The following SP4 variants were observed in gnomAD, a reference collection of about 807,000 sequenced individuals.
SP4 encodes the protein transcription factor Sp4.
Under a neutral mutation model 72.8 loss-of-function variants are expected in SP4, and 19 were observed. The ratio of observed to expected loss-of-function variants is 0.26; its 90% confidence interval spans 0.18 to 0.38. The LOEUF (loss-of-function observed/expected upper bound fraction) is 0.38. Among genes scored for constraint, SP4 ranks in the 10% least tolerant of loss-of-function variants. SP4 has a pLI of 1.00. For synonymous variants in SP4, 395 were observed against 333.1 expected (o/e 1.19, Z -2.02); for missense variants, 1,008 against 926.3 (o/e 1.09, Z -1.14).
chr7:21,473,675 C>T (rs140586985), intron 3 of SP4, among the ~76,000 whole-genome samples: 1 of 152,294 alleles, frequency 6.6e-6, no homozygotes, highest in African/African-American at 2.4e-5. Flanking sequence ...GATTTGAACT[C>T]AGACCAGAAT....
At chr7:21,480,658 T>C (rs1784658919) in intron 4 of SP4, among the ~76,000 whole-genome samples, 1 of 152,224 alleles carries the variant, frequency 6.6e-6, no homozygotes, top group African/African-American at 2.4e-5. Context: ...TTTGTTTACT[T>C]TTCCCAAGAA....
intron 3 of SP4, among the ~76,000 whole-genome samples, chr7:21,468,139 C>A (rs1281528671): frequency 6.6e-6 from 1 of 152,048 alleles, no homozygotes. Context: ...TGTACACACA[C>A]GCATCTGTTT....
At chr7:21,479,872 A>T (rs149320214) in intron 4 of SP4, among the ~76,000 whole-genome samples, 1 of 152,146 alleles carries the variant, frequency 6.6e-6, no homozygotes, top group Non-Finnish European at 1.5e-5. Context: ...TTCTGATGCT[A>T]TTATAAGTTG....
At chr7:21,474,718 G>A (rs1053027150) in intron 3 of SP4, among the ~76,000 whole-genome samples, 3 of 152,216 alleles carry the variant, frequency 2.0e-5, no homozygotes, top group Non-Finnish European at 4.4e-5. Context: ...CTATTTTAGA[G>A]TTGAGGAAAC....
intron 3 of SP4, chr7:21,471,060 T>A (rs1425010873): frequency 3.7e-6 from 2 of 534,720 alleles, no homozygotes; most frequent in Non-Finnish European, 7.7e-6. Flanking sequence ...CCAGCTATAT[T>A]ATTCAAATGC....
At position 21,430,650 on chromosome 7, in the gene SP4, C is replaced by G; in HGVS notation, c.1485C>G (p.Thr495=). 1 of 1,614,172 alleles carries G rather than the reference C, an allele frequency of 6.2e-7. No homozygotes were observed. The highest frequency in any genetic ancestry group is 8.5e-7 in the Non-Finnish European group (1 of 1,180,034). ...VQNAGLSQQL[T]ITPVSSSGGT... Reference sequence around the variant, plus strand: ...ATGCTGGGTTATCCCAACAATTAACCATCACCCCAGTGTCTTCAAGTGGTG... The same window carrying G: ...ATGCTGGGTTATCCCAACAATTAACGATCACCCCAGTGTCTTCAAGTGGTG... Residue 495 remains threonine, a synonymous_variant, in exon 3 of 6, where the codon ACC becomes ACG. Coordinates refer to ENST00000222584, the MANE Select transcript of SP4 (RefSeq NM_003112.5).
chr7:21,487,578 C>T (rs1055896030), intron 5 of SP4, among the ~76,000 whole-genome samples: 1 of 151,860 alleles, frequency 6.6e-6, no homozygotes, highest in African/African-American at 2.4e-5. Flanking sequence ...TTTTGTTTTA[C>T]TGCATTTTGT....
At chr7:21,435,593 A>G (rs1352141082) in intron 3 of SP4, among the ~76,000 whole-genome samples, 1 of 152,158 alleles carries the variant, frequency 6.6e-6, no homozygotes, top group African/African-American at 2.4e-5. Flanking sequence ...ATCTGTATAT[A>G]TACATACTCA....
intron 5 of SP4, among the ~76,000 whole-genome samples, chr7:21,509,841 G>T (rs978779494): frequency 6.6e-6 from 1 of 152,148 alleles, no homozygotes; most frequent in Non-Finnish European, 1.5e-5. Flanking sequence ...TCATGCTGCT[G>T]ATAAAGACAT....
rs535680001 is a variant in SP4 at position 21,513,977 on chromosome 7, G to A, written c.*2708G>A. 3 of 152,552 alleles carry A rather than the reference G, an allele frequency of 2.0e-5. No individual in the cohort carries two copies. The highest frequency in any genetic ancestry group is 4.4e-5 in the Non-Finnish European group (3 of 68,006). 9.4% of individuals were successfully genotyped at this position (152,552 alleles called of 1,614,324 possible). On this transcript the variant is annotated 3_prime_UTR_variant, in exon 6 of 6. Coordinates refer to ENST00000222584, the MANE Select transcript of SP4 (RefSeq NM_003112.5). ...GGATATAGCTGTTATAAGTAATAGG[G>A]CACAGATGTGCAGTAGAGTCTTGTT...
intron 3 of SP4, among the ~76,000 whole-genome samples, chr7:21,457,452 A>G (rs1369574004): frequency 6.6e-6 from 1 of 152,138 alleles, no homozygotes; most frequent in African/African-American, 2.4e-5. Flanking sequence ...TGAATACTTT[A>G]CTGAGTAGAT....
chr7:21,442,048 T>TC (rs1783274891), intron 3 of SP4, among the ~76,000 whole-genome samples: 1 of 149,204 alleles, frequency 6.7e-6, no homozygotes, highest in South Asian at 2.1e-4. Context: ...ATTTTTTTTT[T>TC]TTTTTTTTGA....
At chr7:21,488,088 C>T (rs1228591533) in intron 5 of SP4, among the ~76,000 whole-genome samples, 2 of 152,072 alleles carry the variant, frequency 1.3e-5, no homozygotes, top group Admixed American at 1.3e-4. Flanking sequence ...TGGTGTTGAA[C>T]TCCTGAGCTC....
intron 5 of SP4, among the ~76,000 whole-genome samples, chr7:21,485,504 T>C (rs1378701583): frequency 6.6e-6 from 1 of 152,044 alleles, no homozygotes; most frequent in East Asian, 1.9e-4. Flanking sequence ...CTTTCTAGGA[T>C]GACTGTCATG....
intron 4 of SP4, among the ~76,000 whole-genome samples, chr7:21,478,936 C>G (rs1287518622): frequency 6.6e-6 from 1 of 151,748 alleles, no homozygotes; most frequent in Non-Finnish European, 1.5e-5. Flanking sequence ...AGCATGGTAG[C>G]GCATGCTTGT....
At chr7:21,473,997 C>T (rs1426862862) in intron 3 of SP4, among the ~76,000 whole-genome samples, 3 of 152,134 alleles carry the variant, frequency 2.0e-5, no homozygotes, top group South Asian at 2.1e-4. Context: ...AGTCAATTAA[C>T]GGGCTTCAAT....
intron 3 of SP4, among the ~76,000 whole-genome samples, chr7:21,467,451 A>G (rs921243930): frequency 3.3e-5 from 5 of 152,124 alleles, no homozygotes; most frequent in African/African-American, 1.2e-4. Context: ...TATCACCACA[A>G]TCTAGTTTTA....
At chr7:21,487,739 A>G (rs1404547930) in intron 5 of SP4, among the ~76,000 whole-genome samples, 2 of 111,832 alleles carry the variant, frequency 1.8e-5, no homozygotes, top group Non-Finnish European at 3.5e-5. Flanking sequence ...TTTTTGTTCA[A>G]GTTGATGATG....
Position 21,497,075 on chromosome 7 carries a change from A to G in SP4, c.2108-13947A>G, listed in dbSNP as rs530323798. Among the ~76,000 whole-genome samples the G allele has an allele frequency of 2.0e-5, 3 of 152,344 alleles. No individual in the cohort carries two copies. In the South Asian group the frequency reaches 6.2e-4, roughly 32 times the overall value. On this transcript the variant is annotated intron_variant, in intron 5 of 5. Transcript: ENST00000222584. ...TAGTCTATTGTTTGTCCCAATTATT[A>G]TCCCCTGTCTTGGGCATCCATGAAG...
Sources: gnomAD v4.1 joint callset for allele counts (sites outside exome capture counted in the v4.1 genomes callset) on GRCh38, gnomAD v4.1.1 for gene constraint, MANE v1.5 for transcripts, NCBI Gene and HGNC (gene_info 2026-07-23, HGNC 2026-07-21) for gene names.